Variants in GRIN2A observed in about 807,000 individuals in gnomAD.
The protein encoded by GRIN2A is glutamate receptor ionotropic, NMDA 2A.
A neutral mutation model predicts 113.4 loss-of-function variants in GRIN2A; 22 were observed. The ratio of observed to expected loss-of-function variants is 0.19; its 90% CI spans 0.14 to 0.28. The LOEUF is 0.28. GRIN2A is among the 10% of genes least tolerant of loss of function. The pLI is 1.00. For missense variants in GRIN2A, 1,502 were observed against 1,887.0 expected (o/e 0.80, Z 3.78); for synonymous variants, 827 against 738.4 (o/e 1.12, Z -1.94).
intron 2 of GRIN2A, among the ~76,000 whole-genome samples, chr16:10,009,976 C>A (rs1193454929): frequency 1.3e-5 from 2 of 152,212 alleles, no homozygotes; most frequent in Non-Finnish European, 2.9e-5. Context: ...GCTGGCACAG[C>A]GTTGCACAGT....
At chr16:9,956,621 G>A (rs112242767) in intron 2 of GRIN2A, among the ~76,000 whole-genome samples, 2,545 of 152,256 alleles carry the variant, frequency 0.017, 71 homozygotes, top group African/African-American at 0.059. Flanking sequence ...TGAAACCTGC[G>A]CTCAAAGAGC....
chr16:9,941,113 A>G (rs1003487840), intron 2 of GRIN2A, among the ~76,000 whole-genome samples: 5 of 152,204 alleles, frequency 3.3e-5, no homozygotes, highest in Non-Finnish European at 7.4e-5. Context: ...TAAGTACACA[A>G]GGAATACAGA....
rs369975362 is a variant in GRIN2A, at chr16:10,089,096, C to T, written c.414+90902G>A. On this transcript the variant is annotated intron_variant, in intron 2 of 12. Transcript: ENST00000330684. ...GTAGTTATTAAGTATATTAATATATCCATAGCATTTAAATAATGCCTGGCA... is the reference window on the plus strand; with the variant it reads ...GTAGTTATTAAGTATATTAATATATTCATAGCATTTAAATAATGCCTGGCA... 2.6e-5 allele frequency among the ~76,000 whole-genome samples: 4 copies of T among 152,176 alleles called. No homozygotes were observed. The South Asian group carries it at 6.2e-4, about 24-fold the overall frequency.
intron 4 of GRIN2A, among the ~76,000 whole-genome samples, chr16:9,878,361 A>G (rs1182020191): frequency 2.0e-5 from 3 of 152,200 alleles, no homozygotes; most frequent in Non-Finnish European, 4.4e-5. Context: ...AAATAATTAT[A>G]CTTAGAACTG....
intron 2 of GRIN2A, among the ~76,000 whole-genome samples, chr16:10,139,640 G>T (rs75792929): frequency 6.6e-6 from 1 of 152,078 alleles, no homozygotes; most frequent in Non-Finnish European, 1.5e-5. Flanking sequence ...GGGATACCTT[G>T]TTAAAAAGGC....
chr16:9,953,052 G>C (rs2045220123), intron 2 of GRIN2A, among the ~76,000 whole-genome samples: 1 of 152,148 alleles, frequency 6.6e-6, no homozygotes, highest in Admixed American at 6.5e-5. Context: ...TGAGTATGAG[G>C]AAGGGCTTGG....
At chr16:9,974,250 A>G (rs1402300051) in intron 2 of GRIN2A, among the ~76,000 whole-genome samples, 1 of 152,210 alleles carries the variant, frequency 6.6e-6, no homozygotes, top group African/African-American at 2.4e-5. Context: ...CCTGGTGCCT[A>G]GGAACCAGAC....
chr16:9,972,457 C>A (rs2045691715), intron 2 of GRIN2A, among the ~76,000 whole-genome samples: 1 of 152,018 alleles, frequency 6.6e-6, no homozygotes, highest in Admixed American at 6.6e-5. Flanking sequence ...TCAACAGAGG[C>A]CAATCCCAAT....
At chr16:9,813,219 G>C (rs530885798) in intron 10 of GRIN2A, among the ~76,000 whole-genome samples, 1 of 152,292 alleles carries the variant, frequency 6.6e-6, no homozygotes, top group South Asian at 2.1e-4. Flanking sequence ...ATTATCACCT[G>C]GTCCTTAAAT....
chr16:9,764,922 C>A lies in GRIN2A; in HGVS notation c.2622G>T (p.Val874=). 1 of 1,614,096 alleles carries A rather than the reference C, an allele frequency of 6.2e-7. No individual in the cohort carries two copies. The highest frequency in any genetic ancestry group is 8.5e-7 in the Non-Finnish European group (1 of 1,179,928). The change falls in exon 13 of 13, where the codon GTG becomes GTT. Residue 874 remains valine (V), a synonymous_variant. Transcript: ENST00000330684. The stretch of plus-strand genomic sequence containing the variant: ...GAGACTTCTTCTTTTCTTCAATGTG[C>A]ACTCCATGAATGCAGCTGTAGATGC... ...SRGIYSCIHG[V]HIEEKKKSPD...
At chr16:9,914,003 C>T (rs1029560576) in intron 3 of GRIN2A, among the ~76,000 whole-genome samples, 13 of 150,734 alleles carry the variant, frequency 8.6e-5, no homozygotes, top group Non-Finnish European at 1.8e-4. Flanking sequence ...AAATCCATTA[C>T]GTGAAGGCAT....
At chr16:9,933,855 G>A (rs117473575) in intron 3 of GRIN2A, among the ~76,000 whole-genome samples, 4,446 of 152,330 alleles carry the variant, frequency 0.029, 103 homozygotes, top group Non-Finnish European at 0.042. Context: ...GAGGGATTTT[G>A]AAAACATAAG....
intron 2 of GRIN2A, chr16:10,112,379 G>C (rs1038675241): frequency 1.5e-6 from 1 of 681,172 alleles, no homozygotes; most frequent in Non-Finnish European, 2.7e-6. Context: ...GCATCACCCA[G>C]GAAGTGATGG....
intron 2 of GRIN2A, among the ~76,000 whole-genome samples, chr16:10,101,235 C>T (rs1288198511): frequency 6.6e-6 from 1 of 152,206 alleles, no homozygotes; most frequent in Admixed American, 6.5e-5. Flanking sequence ...TACTTCCTGC[C>T]TTCCCTATTT....
At chr16:10,104,437 G>C (rs529012284) in intron 2 of GRIN2A, among the ~76,000 whole-genome samples, 13 of 152,232 alleles carry the variant, frequency 8.5e-5, no homozygotes, top group African/African-American at 3.1e-4. Context: ...GAATATCATA[G>C]GAGTCCAATA....
chr16:10,167,747 A>G (rs1377115450), intron 2 of GRIN2A, among the ~76,000 whole-genome samples: 15 of 152,220 alleles, frequency 9.9e-5, no homozygotes, highest in Admixed American at 7.9e-4. Context: ...AAATGGAGAC[A>G]ATATATCAAT....
chr16:9,799,964 A>ATAT (rs71400498), intron 10 of GRIN2A, among the ~76,000 whole-genome samples: 7,524 of 149,634 alleles, frequency 0.05, 228 homozygotes, highest in South Asian at 0.072. Flanking sequence ...CTGTGCCTAA[A>ATAT]TATTATTATT....
chr16:10,125,477 G>C (rs980820695), intron 2 of GRIN2A, among the ~76,000 whole-genome samples: 2 of 152,092 alleles, frequency 1.3e-5, no homozygotes, highest in African/African-American at 4.8e-5. Flanking sequence ...CAAGGAATAA[G>C]TAAATCCCTA....
chr16:10,006,814 T>C (rs2046411979), intron 2 of GRIN2A, among the ~76,000 whole-genome samples: 1 of 152,156 alleles, frequency 6.6e-6, no homozygotes. Flanking sequence ...CTAGTAACCA[T>C]CCTTCTACTC....
Sources: gnomAD v4.1 joint callset for allele counts (sites outside exome capture counted in the v4.1 genomes callset) on GRCh38, gnomAD v4.1.1 for gene constraint, MANE v1.5 for transcripts, NCBI Gene and HGNC (gene_info 2026-07-23, HGNC 2026-07-21) for gene names.